Variants in ZNF346 observed in about 807,000 individuals in gnomAD.
ZNF346 encodes zinc finger protein 346, also known as double-stranded RNA-binding zinc finger protein JAZ.
Under a neutral mutation model 33.7 loss-of-function variants are expected in ZNF346, and 23 were observed. The observed-to-expected ratio is 0.68, with a 90% CI of 0.49 to 0.97. ZNF346 has a LOEUF of 0.97. ZNF346 is among the 50% of genes least tolerant of loss of function. ZNF346 has a pLI of 0.00. For missense variants in ZNF346, 340 were observed against 371.1 expected (o/e 0.92, Z 0.69); for synonymous variants, 134 against 142.4 (o/e 0.94, Z 0.42).
chr5:177,054,395 A>T (rs761475349), intron 5 of ZNF346, among the ~76,000 whole-genome samples: 11 of 147,124 alleles, frequency 7.5e-5, no homozygotes, highest in African/African-American at 5.0e-5. Flanking sequence ...TTATTTATTT[A>T]TTTTTTTATT....
chr5:177,048,034 C>T (rs1285996010), intron 4 of ZNF346, among the ~76,000 whole-genome samples: 1 of 152,172 alleles, frequency 6.6e-6, no homozygotes, highest in South Asian at 2.1e-4. Flanking sequence ...GTGACTGCAT[C>T]GTACTACATT....
intron 5 of ZNF346, among the ~76,000 whole-genome samples, chr5:177,058,097 A>G (rs1305082270): frequency 6.6e-6 from 1 of 151,516 alleles, no homozygotes; most frequent in Non-Finnish European, 1.5e-5. Flanking sequence ...CTGGGATTAC[A>G]GGCATGAGCC....
chr5:177,051,041 G>T, intron 5 of ZNF346, 105 bp downstream of exon 5: 1 of 820,746 alleles, frequency 1.2e-6, no homozygotes. Context: ...TGTAAGTAGG[G>T]TTTGCGAACT....
rs865935108 is a variant in ZNF346, at chr5:177,022,751, G to A, written c.13G>A (p.Ala5Thr). MEYP[A>T]PATVQAADGG... is the part of the protein sequence containing the mutation. ...GTTTGCGGGGAAGATGGAGTATCCC[G>A]CGCCGGCCACGGTGCAGGCCGCGGA... The change falls in exon 1 of 7, where the codon GCG (alanine) becomes ACG (threonine). Residue 5 changes from alanine (A) to threonine (T), a missense_variant. Ala to Thr is a moderately conservative substitution (Grantham distance 58). Transcript: ENST00000358149. 1.3e-6 allele frequency: 2 copies of A among 1,554,626 alleles called. No individual in the cohort carries two copies. Among genetic ancestry groups the A allele is most frequent in the African/African-American group, 1.4e-5 (1 of 72,072 alleles).
Position 177,041,060 on chromosome 5 carries a change from G to A in ZNF346, c.176-66G>A, listed in dbSNP as rs922359071. ...ATTCAGTGCCTGTGTTTGAGGCAGG[G>A]TTCAAAGGCAGTGCTGTTGAGGTAG... On this transcript the variant is annotated intron_variant, in intron 1 of 6. Coordinates refer to ENST00000358149, the MANE Select transcript of ZNF346 (RefSeq NM_012279.4). 4.0e-6 allele frequency: 5 copies of A among 1,259,474 alleles called. No homozygotes were observed. In the African/African-American group the frequency reaches 4.4e-5, roughly 11 times the overall value. The allele number at this position is 1,259,474 out of a possible 1,614,324, so 78.0% of individuals were successfully genotyped here.
At chr5:177,030,906 ATT>A (rs760757696) in intron 1 of ZNF346, among the ~76,000 whole-genome samples, 109 of 103,486 alleles carry the variant, frequency 1.1e-3, no homozygotes, top group African/African-American at 3.1e-3. Context: ...GCTTAGTGTA[ATT>A]TTTTTTTTTT....
chr5:177,058,723 A>G (rs1782093162), intron 5 of ZNF346, among the ~76,000 whole-genome samples: 1 of 151,696 alleles, frequency 6.6e-6, no homozygotes, highest in Non-Finnish European at 1.5e-5. Flanking sequence ...CAAACCTTAC[A>G]CTCCTTCCAC....
At chr5:177,034,724 G>A (rs563140924) in intron 1 of ZNF346, among the ~76,000 whole-genome samples, 9 of 152,324 alleles carry the variant, frequency 5.9e-5, no homozygotes, top group African/African-American at 2.2e-4. Flanking sequence ...CTCATAGGAT[G>A]TAGAATGCAG....
At chr5:177,023,907 A>G (rs1012596586) in intron 1 of ZNF346, among the ~76,000 whole-genome samples, 2 of 151,874 alleles carry the variant, frequency 1.3e-5, no homozygotes, top group African/African-American at 2.4e-5. Flanking sequence ...TTTTGACCAT[A>G]TCTAAGGAAG....
intron 1 of ZNF346, among the ~76,000 whole-genome samples, chr5:177,036,539 T>C (rs1009149181): frequency 3.9e-5 from 6 of 152,072 alleles, no homozygotes; most frequent in African/African-American, 1.2e-4. Context: ...TGCATCTCTT[T>C]TGTGTGTGTA....
intron 1 of ZNF346, among the ~76,000 whole-genome samples, chr5:177,036,714 A>G (rs996810628): frequency 6.6e-6 from 1 of 152,166 alleles, no homozygotes; most frequent in Non-Finnish European, 1.5e-5. Flanking sequence ...CATCATTTCC[A>G]TCAACAATAT....
intron 3 of ZNF346, 104 bp from the exon 4 acceptor site, chr5:177,044,285 A>AGG (rs11448853): frequency 4.5e-6 from 6 of 1,323,718 alleles, no homozygotes; most frequent in Non-Finnish European, 6.4e-6. Flanking sequence ...TTAATGTGTG[A>AGG]GGGGGGCCAT....
At chr5:177,049,263 T>C (rs1780537309) in intron 4 of ZNF346, among the ~76,000 whole-genome samples, 1 of 152,222 alleles carries the variant, frequency 6.6e-6, no homozygotes, top group South Asian at 2.1e-4. Context: ...AAATTTCTTC[T>C]GGCTTGCCCA....
intron 4 of ZNF346, among the ~76,000 whole-genome samples, chr5:177,046,353 C>T (rs1780052472): frequency 1.3e-5 from 2 of 150,834 alleles, no homozygotes; most frequent in South Asian, 4.2e-4. Flanking sequence ...TCTCTTCCCA[C>T]AAATGGGAAA....
At chr5:177,032,005 T>C (rs948615678) in intron 1 of ZNF346, among the ~76,000 whole-genome samples, 39 of 108,884 alleles carry the variant, frequency 3.6e-4, no homozygotes, top group African/African-American at 1.9e-3. Flanking sequence ...TTTCTTTTTT[T>C]TTTTTTTTTT....
chr5:177,028,761 C>T (rs1273699066), intron 1 of ZNF346, among the ~76,000 whole-genome samples: 8 of 132,024 alleles, frequency 6.1e-5, no homozygotes, highest in Non-Finnish European at 6.2e-5. Flanking sequence ...GCTCTGTTGC[C>T]CAGGCTGGAG....
chr5:177,037,181 A>AC (rs1299428254), intron 1 of ZNF346, among the ~76,000 whole-genome samples: 3 of 151,960 alleles, frequency 2.0e-5, no homozygotes, highest in African/African-American at 7.3e-5. Context: ...CAGAAGTTCC[A>AC]CCCTGTACTC....
intron 1 of ZNF346, among the ~76,000 whole-genome samples, chr5:177,027,568 A>G (rs1208710765): frequency 6.9e-6 from 1 of 145,614 alleles, no homozygotes; most frequent in Non-Finnish European, 1.5e-5. Context: ...TCTAGGCAAC[A>G]CAGTTGAGAC....
intron 5 of ZNF346, among the ~76,000 whole-genome samples, chr5:177,053,463 G>A (rs1230497583): frequency 6.6e-6 from 1 of 151,934 alleles, no homozygotes; most frequent in Non-Finnish European, 1.5e-5. Flanking sequence ...CTGTTATCAA[G>A]TATGCATTTA....
Sources: allele counts gnomAD v4.1 joint callset (sites outside exome capture counted in the v4.1 genomes callset), GRCh38; gene constraint gnomAD v4.1.1; transcripts MANE v1.5; gene names NCBI Gene and HGNC (gene_info 2026-07-23, HGNC 2026-07-21).